Variants in FSTL5 observed in about 807,000 individuals in gnomAD.
The protein encoded by FSTL5 is follistatin like 5, also known as follistatin-related protein 5.
Under a neutral mutation model 89.1 loss-of-function variants are expected in FSTL5, and 62 were observed. The observed-to-expected ratio is 0.70, with a 90% CI of 0.57 to 0.86. The LOEUF is 0.86. Ranked by LOEUF, FSTL5 falls within the 40% of genes least tolerant of loss-of-function variation. The pLI, the probability that FSTL5 is intolerant of heterozygous loss-of-function variation, is 0.00. For synonymous variants in FSTL5, 383 were observed against 346.2 expected (o/e 1.11, Z -1.18); for missense variants, 1,057 against 1,001.6 (o/e 1.06, Z -0.75).
chr4:161,593,220 G>T (rs559279375), intron 7 of FSTL5, among the ~76,000 whole-genome samples: 1 of 152,054 alleles, frequency 6.6e-6, no homozygotes, highest in Admixed American at 6.6e-5. Context: ...TAAAGAAACT[G>T]TTTTCCCTCT....
rs192963433 is a variant in FSTL5, at chr4:161,923,634, A to G, written c.161-2982T>C. 3.3e-3 allele frequency among the ~76,000 whole-genome samples: 506 copies of G among 151,836 alleles called. 4 individuals carry two copies. The highest frequency in any genetic ancestry group is 0.012 in the African/African-American group (486 of 41,498). ...TTGAAGAATGAGCTAATGTTTTAAGAGTCTGATCATTTTACATTTTAGTCA... is the reference window on the plus strand; with the variant it reads ...TTGAAGAATGAGCTAATGTTTTAAGGGTCTGATCATTTTACATTTTAGTCA... On this transcript the variant is annotated intron_variant, in intron 3 of 15. Transcript: ENST00000306100.
intron 4 of FSTL5, among the ~76,000 whole-genome samples, chr4:161,789,380 C>A (rs1729376888): frequency 6.6e-6 from 1 of 151,866 alleles, no homozygotes. Flanking sequence ...CCATTCTAGC[C>A]TTTTGTGGCC....
At chr4:161,980,009 C>T (rs1472278369) in intron 3 of FSTL5, among the ~76,000 whole-genome samples, 1 of 143,390 alleles carries the variant, frequency 7.0e-6, no homozygotes, top group Admixed American at 7.1e-5. Context: ...GAATTATTTC[C>T]CACCAAAAAA....
intron 3 of FSTL5, among the ~76,000 whole-genome samples, chr4:161,937,118 G>A (rs193179915): frequency 6.8e-4 from 103 of 152,180 alleles, no homozygotes; most frequent in Admixed American, 1.5e-3. Flanking sequence ...AATGTGAAAT[G>A]AGTCAATGCA....
chr4:162,029,491 G>A (rs932976173), intron 3 of FSTL5, among the ~76,000 whole-genome samples: 30 of 151,928 alleles, frequency 2.0e-4, no homozygotes, highest in Non-Finnish European at 2.2e-4. Context: ...TATATGTAAA[G>A]GACTTTTAAC....
chr4:162,136,733 C>G (rs1296033641), intron 1 of FSTL5, among the ~76,000 whole-genome samples: 3 of 151,788 alleles, frequency 2.0e-5, no homozygotes, highest in Non-Finnish European at 4.4e-5. Flanking sequence ...CTGCAGAACA[C>G]TAGTGATGTA....
At chr4:161,579,701 C>G (rs571105311) in intron 8 of FSTL5, among the ~76,000 whole-genome samples, 1 of 134,024 alleles carries the variant, frequency 7.5e-6, no homozygotes, top group Non-Finnish European at 1.5e-5. Context: ...TGGGCGATGG[C>G]GCAAGACCAT....
chr4:161,831,514 T>C (rs1730843684), intron 4 of FSTL5, among the ~76,000 whole-genome samples: 1 of 150,540 alleles, frequency 6.6e-6, no homozygotes, highest in African/African-American at 2.5e-5. Context: ...ACTTGCTGTT[T>C]TGTTACAAAA....
At chr4:161,894,536 C>A (rs2110766747) in intron 4 of FSTL5, among the ~76,000 whole-genome samples, 1 of 152,234 alleles carries the variant, frequency 6.6e-6, no homozygotes, top group South Asian at 2.1e-4. Context: ...GGCTGGAATA[C>A]AGTGGCTCAA....
At chr4:161,951,376 G>C (rs1224994752) in intron 3 of FSTL5, among the ~76,000 whole-genome samples, 1 of 152,002 alleles carries the variant, frequency 6.6e-6, no homozygotes, top group Non-Finnish European at 1.5e-5. Context: ...TATTCCACCA[G>C]GATTAAAAGC....
At chr4:161,400,426 A>G (rs1395745368) in intron 15 of FSTL5, among the ~76,000 whole-genome samples, 1 of 152,114 alleles carries the variant, frequency 6.6e-6, no homozygotes, top group African/African-American at 2.4e-5. Flanking sequence ...GAATCCAGAT[A>G]TATGTGCAGA....
chr4:162,092,036 T>C (rs1751161663), intron 2 of FSTL5, among the ~76,000 whole-genome samples: 1 of 151,810 alleles, frequency 6.6e-6, no homozygotes, highest in Admixed American at 6.6e-5. Context: ...TTTCCAAATT[T>C]AAAACACTTA....
At chr4:161,470,150 G>A (rs1733887192) in intron 13 of FSTL5, among the ~76,000 whole-genome samples, 1 of 151,940 alleles carries the variant, frequency 6.6e-6, no homozygotes, top group Non-Finnish European at 1.5e-5. Flanking sequence ...TTGTGCCTTT[G>A]TTGTCACATC....
rs189917330 is a variant in FSTL5 at position 161,694,987 on chromosome 4, A to T, written c.728-38493T>A. Among the ~76,000 whole-genome samples the T allele has an allele frequency of 9.2e-4, 140 of 152,172 alleles. 1 individual carries two copies. The highest frequency in any genetic ancestry group is 5.9e-5 in the Non-Finnish European group (4 of 68,010). ...CATGGCTCCTATTAAAAAATAGAAA[A>T]AAAATGTGTTTTCTCCCTTTAAATT... On this transcript the variant is annotated intron_variant, in intron 6 of 15. Coordinates refer to ENST00000306100, the MANE Select transcript of FSTL5 (RefSeq NM_020116.5).
At chr4:161,846,134 C>A (rs771753030) in intron 4 of FSTL5, among the ~76,000 whole-genome samples, 38 of 151,484 alleles carry the variant, frequency 2.5e-4, no homozygotes, top group Admixed American at 3.9e-4. Flanking sequence ...TGTGCTTGTA[C>A]TGAACCAAAG....
intron 3 of FSTL5, among the ~76,000 whole-genome samples, chr4:161,971,025 G>A (rs1319310896): frequency 6.7e-6 from 1 of 148,854 alleles, no homozygotes; most frequent in Non-Finnish European, 1.5e-5. Context: ...TTTCATCTGG[G>A]TATATAAATT....
intron 8 of FSTL5, among the ~76,000 whole-genome samples, chr4:161,556,510 G>A (rs1732398647): frequency 6.6e-6 from 1 of 151,418 alleles, no homozygotes; most frequent in South Asian, 2.1e-4. Flanking sequence ...CTAGCTCTGT[G>A]ATTTTGGGAT....
Position 161,905,104 on chromosome 4 carries a change from C to T in FSTL5, c.409+15300G>A, listed in dbSNP as rs562041681. 2.6e-5 allele frequency among the ~76,000 whole-genome samples: 4 copies of T among 152,020 alleles called. No individual in the cohort carries two copies. The East Asian group carries it at 7.7e-4, about 29-fold the overall frequency. ...AAATGGGCAGTTGGAAGATATTATG[C>T]TGTAACAAACCTAAAATATAAAAAC... On this transcript the variant is annotated intron_variant, in intron 4 of 15. Transcript: ENST00000306100.
intron 2 of FSTL5, among the ~76,000 whole-genome samples, chr4:162,071,910 G>C (rs1433916944): frequency 6.6e-6 from 1 of 151,750 alleles, no homozygotes; most frequent in East Asian, 1.9e-4. Context: ...GAATGGGTCA[G>C]TGAAGAAATT....
Sources: gnomAD v4.1 joint callset for allele counts (sites outside exome capture counted in the v4.1 genomes callset) on GRCh38, gnomAD v4.1.1 for gene constraint, MANE v1.5 for transcripts, NCBI Gene and HGNC (gene_info 2026-07-23, HGNC 2026-07-21) for gene names.